Variants in TCF4 observed in about 807,000 individuals in gnomAD.
TCF4 encodes transcription factor 4, also known as SL3-3 enhancer factor 2.
TCF4 carries 3 observed loss-of-function variants against 82.1 expected under a neutral mutation model. The ratio of observed to expected loss-of-function variants is 0.04; its 90% CI spans 0.02 to 0.09. The LOEUF (loss-of-function observed/expected upper bound fraction) is 0.09. Among genes scored for constraint, TCF4 ranks in the 10% least tolerant of loss-of-function variants. TCF4 has a pLI of 1.00. For missense variants in TCF4, 518 were observed against 852.7 expected (o/e 0.61, Z 4.89); for synonymous variants, 276 against 309.6 (o/e 0.89, Z 1.14).
chr18:55,374,755 G>C (rs2090280340), intron 6 of TCF4, among the ~76,000 whole-genome samples: 1 of 151,120 alleles, frequency 6.6e-6, no homozygotes, highest in African/African-American at 2.4e-5. Context: ...ACAAAAATTA[G>C]TGGGATTGGT....
At chr18:55,510,830 G>C (rs67387556) in intron 3 of TCF4, 3 of 1,070,524 alleles carry the variant, frequency 2.8e-6, no homozygotes, top group Non-Finnish European at 3.5e-6. Context: ...AATGATACTG[G>C]CTGTGTGTTT....
chr18:55,294,580 T>C (rs1216072980), intron 8 of TCF4, among the ~76,000 whole-genome samples: 3 of 152,164 alleles, frequency 2.0e-5, no homozygotes, highest in African/African-American at 7.2e-5. Context: ...GTGTTGTGCG[T>C]GGGGTGAACT....
chr18:55,344,271 C>G (rs1035506450), intron 8 of TCF4, among the ~76,000 whole-genome samples: 3 of 152,104 alleles, frequency 2.0e-5, no homozygotes, highest in Non-Finnish European at 4.4e-5. Context: ...CTATTTCAAT[C>G]AATTAAATTT....
At chr18:55,490,392 G>T (rs1477931658) in intron 3 of TCF4, among the ~76,000 whole-genome samples, 2 of 152,010 alleles carry the variant, frequency 1.3e-5, no homozygotes, top group African/African-American at 4.8e-5. Context: ...TAACTATATG[G>T]CAGGAGTAAT....
chr18:55,474,128 A>G (rs978868329), intron 3 of TCF4, among the ~76,000 whole-genome samples: 3 of 152,190 alleles, frequency 2.0e-5, no homozygotes, highest in African/African-American at 7.2e-5. Flanking sequence ...CTACCTCCAC[A>G]TGTATTTGAA....
At chr18:55,233,682 G>T (rs2048516085) in intron 16 of TCF4, among the ~76,000 whole-genome samples, 1 of 151,984 alleles carries the variant, frequency 6.6e-6, no homozygotes, top group Non-Finnish European at 1.5e-5. Flanking sequence ...CAGGCATGGT[G>T]ATGCATGTCT....
chr18:55,581,312 T>C (rs1412479826), intron 3 of TCF4, among the ~76,000 whole-genome samples: 1 of 152,008 alleles, frequency 6.6e-6, no homozygotes, highest in Non-Finnish European at 1.5e-5. Context: ...AAAGCACAGT[T>C]TGGAACTCCT....
chr18:55,557,276 GAC>G (rs151131262), intron 3 of TCF4, among the ~76,000 whole-genome samples: 3 of 150,844 alleles, frequency 2.0e-5, no homozygotes, highest in Non-Finnish European at 3.0e-5. Flanking sequence ...CACAGACACA[GAC>G]ACACACACAC....
chr18:55,387,543 T>C (rs2092705300), intron 6 of TCF4, among the ~76,000 whole-genome samples: 1 of 152,242 alleles, frequency 6.6e-6, no homozygotes, highest in Non-Finnish European at 1.5e-5. Flanking sequence ...TCCTGGTCAC[T>C]GAGGGTAAAC....
intron 15 of TCF4, among the ~76,000 whole-genome samples, chr18:55,254,258 G>A (rs530651469): frequency 4.6e-4 from 70 of 152,234 alleles, no homozygotes; most frequent in Non-Finnish European, 2.4e-4. Flanking sequence ...AATGGGCAAC[G>A]GGGATTCTTT....
At chr18:55,570,636 C>T (rs896501681) in intron 3 of TCF4, among the ~76,000 whole-genome samples, 1 of 152,162 alleles carries the variant, frequency 6.6e-6, no homozygotes, top group Non-Finnish European at 1.5e-5. Context: ...AATCTCAGCA[C>T]TTTGGGAAGC....
At chr18:55,255,198 C>CA (rs1462448533) in intron 14 of TCF4, among the ~76,000 whole-genome samples, 12 of 152,140 alleles carry the variant, frequency 7.9e-5, no homozygotes, top group Non-Finnish European at 1.8e-4. Flanking sequence ...CAGGGAAAAG[C>CA]AAATGGATGA....
At chr18:55,394,078 C>A (rs1211042449) in intron 6 of TCF4, among the ~76,000 whole-genome samples, 1 of 152,212 alleles carries the variant, frequency 6.6e-6, no homozygotes, top group East Asian at 1.9e-4. Flanking sequence ...TTGTTCCACA[C>A]ACACATGTTC....
chr18:55,595,898 G>A (rs962837488), intron 2 of TCF4, among the ~76,000 whole-genome samples: 2 of 152,166 alleles, frequency 1.3e-5, no homozygotes, highest in South Asian at 2.1e-4. Context: ...TCTGTACGTC[G>A]GTGGTCTCGT....
At chr18:55,495,667 T>C (rs1324103611) in intron 3 of TCF4, 1 of 152,110 alleles carries the variant, frequency 6.6e-6, no homozygotes, top group Admixed American at 6.6e-5. Flanking sequence ...TTAGTTTCAA[T>C]ATCAACACAG....
At position 55,232,677 on chromosome 18, in the gene TCF4, G is replaced by GA; in HGVS notation, c.1487-7dup. The GA allele has an allele frequency of 2.5e-6, 4 of 1,614,024 alleles. No homozygotes were observed. Among genetic ancestry groups the GA allele is most frequent in the Non-Finnish European group, 3.4e-6 (4 of 1,179,994 alleles). Reference sequence around the variant, plus strand: ...CTGTAGTCCTGGTGGCATGCCTGCCGAAAAAGAGAAATCAGGTGACATGTA... The same window carrying GA: ...CTGTAGTCCTGGTGGCATGCCTGCCGAAAAAAGAGAAATCAGGTGACATGTA... On this transcript the variant is annotated splice_region_variant and splice_polypyrimidine_tract_variant and intron_variant, in intron 16 of 19. Coordinates refer to ENST00000354452, the MANE Select transcript of TCF4 (RefSeq NM_001083962.2).
intron 6 of TCF4, among the ~76,000 whole-genome samples, chr18:55,395,879 G>A (rs1277632554): frequency 6.6e-6 from 1 of 152,176 alleles, no homozygotes; most frequent in Non-Finnish European, 1.5e-5. Context: ...TAAGGAAATT[G>A]CACATGCTAA....
chr18:55,357,138 T>C (rs2083753922), intron 6 of TCF4, among the ~76,000 whole-genome samples: 1 of 152,134 alleles, frequency 6.6e-6, no homozygotes, highest in South Asian at 2.1e-4. Context: ...TAAAAAAGAA[T>C]ATATTATTTA....
chr18:55,449,846 A>C (rs1217316906), intron 5 of TCF4, among the ~76,000 whole-genome samples: 1 of 152,008 alleles, frequency 6.6e-6, no homozygotes, highest in Non-Finnish European at 1.5e-5. Flanking sequence ...TTCAGCTTTA[A>C]TATGGCCCAC....
Sources: gnomAD v4.1 joint callset for allele counts (sites outside exome capture counted in the v4.1 genomes callset) on GRCh38, gnomAD v4.1.1 for gene constraint, MANE v1.5 for transcripts, NCBI Gene and HGNC (gene_info 2026-07-23, HGNC 2026-07-21) for gene names.